The following CNTN4 variants were observed in gnomAD, a reference collection of about 807,000 sequenced individuals.
CNTN4 encodes the protein contactin 4, also known as contactin-4.
CNTN4 carries 77 observed loss-of-function variants against 122.5 expected under a neutral mutation model. The ratio of observed to expected loss-of-function variants is 0.63; its 90% CI spans 0.52 to 0.76. The LOEUF is 0.76. Ranked by LOEUF, CNTN4 falls within the 30% of genes least tolerant of loss-of-function variation. The probability of loss-of-function intolerance (pLI) is 0.00; values close to 1 mark genes in which losing one functional copy is unlikely to be tolerated. For synonymous variants in CNTN4, 512 were observed against 447.0 expected (o/e 1.15, Z -1.83); for missense variants, 1,256 against 1,259.1 (o/e 1.00, Z 0.04).
At chr3:2,502,961 C>T (rs2076636128) in intron 3 of CNTN4, among the ~76,000 whole-genome samples, 1 of 152,086 alleles carries the variant, frequency 6.6e-6, no homozygotes, top group Non-Finnish European at 1.5e-5. Context: ...TTGTGAACCG[C>T]AACACATATA....
intron 3 of CNTN4, among the ~76,000 whole-genome samples, chr3:2,347,277 A>C (rs150577016): frequency 6.6e-6 from 1 of 152,304 alleles, no homozygotes; most frequent in Admixed American, 6.5e-5. Flanking sequence ...GTGAAGGCAA[A>C]ATAAAGAAAA....
chr3:2,288,959 G>A (rs2042039327), intron 2 of CNTN4, among the ~76,000 whole-genome samples: 1 of 152,048 alleles, frequency 6.6e-6, no homozygotes, highest in African/African-American at 2.4e-5. Flanking sequence ...TTAAAGATAG[G>A]TAGCGAAATT....
chr3:2,181,878 A>T (rs1033178851), intron 2 of CNTN4, among the ~76,000 whole-genome samples: 3 of 152,148 alleles, frequency 2.0e-5, no homozygotes, highest in African/African-American at 7.2e-5. Flanking sequence ...TATGTAAAGT[A>T]TAACACTACA....
intron 6 of CNTN4, among the ~76,000 whole-genome samples, chr3:2,796,097 G>A (rs898594544): frequency 3.7e-4 from 56 of 152,064 alleles, no homozygotes; most frequent in Non-Finnish European, 1.2e-4. Context: ...AAAGGTTAAG[G>A]TTGTCTTTGT....
chr3:2,111,413 C>A (rs1250259503), intron 2 of CNTN4, among the ~76,000 whole-genome samples: 1 of 152,074 alleles, frequency 6.6e-6, no homozygotes, highest in Admixed American at 6.6e-5. Flanking sequence ...TTGTAGGTTT[C>A]TTATAATGTG....
chr3:2,604,137 A>G (rs1003374112), intron 4 of CNTN4, among the ~76,000 whole-genome samples: 14 of 152,320 alleles, frequency 9.2e-5, no homozygotes, highest in African/African-American at 3.4e-4. Flanking sequence ...AAAGAAAAAG[A>G]AAGTAGGATT....
chr3:2,147,294 A>G (rs2035290608), intron 2 of CNTN4, among the ~76,000 whole-genome samples: 1 of 152,004 alleles, frequency 6.6e-6, no homozygotes, highest in Admixed American at 6.6e-5. Flanking sequence ...CCAGCCCTTT[A>G]GTTTGGATTT....
At chr3:2,295,254 C>G (rs1347458627) in intron 2 of CNTN4, among the ~76,000 whole-genome samples, 2 of 141,772 alleles carry the variant, frequency 1.4e-5, no homozygotes, top group Non-Finnish European at 3.0e-5. Context: ...AATCGCCACA[C>G]TGACTTCCAC....
At chr3:2,436,410 T>G (rs1351811422) in intron 3 of CNTN4, among the ~76,000 whole-genome samples, 2 of 152,108 alleles carry the variant, frequency 1.3e-5, no homozygotes, top group African/African-American at 4.8e-5. Context: ...CAGCAACTGA[T>G]TAGAGTCTCA....
chr3:2,629,644 C>T, intron 4 of CNTN4: 2 of 421,116 alleles, frequency 4.7e-6, no homozygotes, highest in Admixed American at 2.9e-5. Context: ...TAGTTTTCCA[C>T]AGTTCATGGT....
At chr3:2,867,084 G>A in intron 8 of CNTN4, 135 bp downstream of exon 8, 1 of 793,242 alleles carries the variant, frequency 1.3e-6, no homozygotes, top group Non-Finnish European at 2.1e-6. Flanking sequence ...CCTATATTTG[G>A]TACCCATATT....
At chr3:2,840,770 A>G (rs766898778) in intron 7 of CNTN4, among the ~76,000 whole-genome samples, 4 of 152,038 alleles carry the variant, frequency 2.6e-5, no homozygotes, top group Non-Finnish European at 4.4e-5. Flanking sequence ...TTAGTCTCCC[A>G]ATTTTTAAGC....
chr3:2,205,561 A>T (rs559935558), intron 2 of CNTN4, among the ~76,000 whole-genome samples: 28 of 152,120 alleles, frequency 1.8e-4, no homozygotes, highest in African/African-American at 6.3e-4. Flanking sequence ...TTCTCACTCA[A>T]TCGTAAGCTC....
At chr3:3,000,365 T>C (rs989494052) in intron 14 of CNTN4, among the ~76,000 whole-genome samples, 13 of 137,344 alleles carry the variant, frequency 9.5e-5, no homozygotes, top group African/African-American at 3.5e-4. Context: ...TGAGGCTGGG[T>C]AATCCAAGGA....
chr3:2,215,807 C>G (rs2149463287), intron 2 of CNTN4, among the ~76,000 whole-genome samples: 1 of 134,172 alleles, frequency 7.5e-6, no homozygotes, highest in African/African-American at 2.9e-5. Context: ...CACTTGAACC[C>G]AGGATTTAGA....
At chr3:2,201,707 G>A (rs1425888693) in intron 2 of CNTN4, among the ~76,000 whole-genome samples, 1 of 152,092 alleles carries the variant, frequency 6.6e-6, no homozygotes, top group African/African-American at 2.4e-5. Context: ...AAAAAGCCTT[G>A]AGAATCCTTC....
At chr3:2,389,025 G>A (rs1207313643) in intron 3 of CNTN4, among the ~76,000 whole-genome samples, 1 of 151,788 alleles carries the variant, frequency 6.6e-6, no homozygotes, top group African/African-American at 2.4e-5. Flanking sequence ...GCCAGGCGTG[G>A]TGGTGTGTGC....
At chr3:3,030,729 T>C (rs2125673770) in intron 15 of CNTN4, 126 bp from the exon 16 acceptor site, 1 of 1,143,914 alleles carries the variant, frequency 8.7e-7, no homozygotes, top group Non-Finnish European at 1.3e-6. Flanking sequence ...CAGGCCATGG[T>C]TTGCATCACT....
intron 2 of CNTN4, among the ~76,000 whole-genome samples, chr3:2,277,133 A>G (rs1170905706): frequency 1.3e-5 from 2 of 152,132 alleles, no homozygotes; most frequent in Non-Finnish European, 2.9e-5. Context: ...GAACCCACAC[A>G]TTTTCACCAG....
Sources: allele counts gnomAD v4.1 joint callset (sites outside exome capture counted in the v4.1 genomes callset), GRCh38; gene constraint gnomAD v4.1.1; transcripts MANE v1.5; gene names NCBI Gene and HGNC (gene_info 2026-07-23, HGNC 2026-07-21).